Variants in PABPC1L observed in about 807,000 individuals in gnomAD.
The protein encoded by PABPC1L is poly(A) binding protein cytoplasmic 1 like.
Under a neutral mutation model 66.6 loss-of-function variants are expected in PABPC1L, and 31 were observed. The ratio of observed to expected loss-of-function variants is 0.47; its 90% CI spans 0.35 to 0.63. PABPC1L has a LOEUF of 0.63. Among genes scored for constraint, PABPC1L ranks in the 20% least tolerant of loss-of-function variants. The pLI, the probability that PABPC1L is intolerant of heterozygous loss-of-function variation, is 0.00. For missense variants in PABPC1L, 722 were observed against 848.8 expected, an observed-to-expected ratio of 0.85 and a Z score of 1.86; for synonymous variants, 348 against 335.1, an observed-to-expected ratio of 1.04 and a Z score of -0.42.
At chr20:44,921,453 T>C (rs2066772558) in intron 5 of PABPC1L, 141 bp from the exon 6 acceptor site, 2 of 1,232,968 alleles carry the variant, frequency 1.6e-6, no homozygotes, top group East Asian at 5.0e-5. Context: ...TATACTTAAA[T>C]GGCCTTTGTC....
chr20:44,919,290 C>CT lies in PABPC1L; in HGVS notation c.738+13_738+14insT. The CT allele has an allele frequency of 3.7e-6, 6 of 1,613,494 alleles. No homozygotes were observed. Among genetic ancestry groups the CT allele is most frequent in the Non-Finnish European group, 5.1e-6 (6 of 1,179,574 alleles). On this transcript the variant is annotated intron_variant, in intron 5 of 14. Coordinates refer to ENST00000217073, the MANE Select transcript of PABPC1L (RefSeq NM_001372179.1). Reference sequence around the variant, plus strand: ...GGAAGCCCAGAAGGTAGGAGCCTCCCCATGGCTCTGTTCTGCAGCAGGGGG... The same window carrying CT: ...GGAAGCCCAGAAGGTAGGAGCCTCCCTCATGGCTCTGTTCTGCAGCAGGGGG...
At chr20:44,910,899 G>A (rs1378803377) in intron 1 of PABPC1L, among the ~76,000 whole-genome samples, 1 of 152,220 alleles carries the variant, frequency 6.6e-6, no homozygotes, top group East Asian at 1.9e-4. Flanking sequence ...AGGCCGCAAG[G>A]CCGCTTTCTC....
intron 2 of PABPC1L, among the ~76,000 whole-genome samples, chr20:44,916,461 A>G (rs2066738356): frequency 6.6e-6 from 1 of 152,106 alleles, no homozygotes; most frequent in South Asian, 2.1e-4. Flanking sequence ...TTTAATAGAG[A>G]CAGGGTTGCA....
In PABPC1L at chr20:44,932,477, T is replaced by TGGGCC. The variant is rs1568651123; in HGVS notation, c.1330+46_1330+50dup. ...CCACTCTCAGACTGGCCTATTGGTG[T>TGGGCC]GGGCCCCGTGAGGCAGTCATAACAC... is the stretch of plus-strand genomic sequence containing the variant. On this transcript the variant is annotated intron_variant, in intron 9 of 14. Coordinates refer to ENST00000217073, the MANE Select transcript of PABPC1L (RefSeq NM_001372179.1). The TGGGCC allele has an allele frequency of 2.0e-6, 3 of 1,537,576 alleles. No individual in the cohort carries two copies. In the African/African-American group the frequency reaches 4.1e-5, roughly 21 times the overall value.
intron 12 of PABPC1L, chr20:44,937,805 T>C (rs2145585862): frequency 2.1e-6 from 1 of 470,998 alleles, no homozygotes; most frequent in Non-Finnish European, 3.8e-6. Flanking sequence ...CATGGGACGA[T>C]CCTTTCCGCC....
intron 11 of PABPC1L, 146 bp from the exon 12 acceptor site, chr20:44,936,491 C>T (rs1355023227): frequency 1.6e-6 from 1 of 631,674 alleles, no homozygotes; most frequent in Non-Finnish European, 2.7e-6. Context: ...TTGTTGGGGA[C>T]TCTCCACCCC....
At chr20:44,937,587 G>A (rs566940925) in intron 12 of PABPC1L, among the ~76,000 whole-genome samples, 30 of 152,180 alleles carry the variant, frequency 2.0e-4, no homozygotes, top group African/African-American at 6.7e-4. Context: ...GCTAAGTTTT[G>A]TATTTTTATT....
intron 7 of PABPC1L, among the ~76,000 whole-genome samples, chr20:44,926,874 TTTA>T (rs985249508): frequency 6.6e-5 from 10 of 150,814 alleles, no homozygotes; most frequent in East Asian, 5.9e-4. Flanking sequence ...TATATTTTGG[TTTA>T]TTATTATTTT....
At chr20:44,933,303 A>T (rs954203826) in intron 10 of PABPC1L, 118 bp downstream of exon 10, 16 of 838,938 alleles carry the variant, frequency 1.9e-5, no homozygotes, top group African/African-American at 1.0e-4. Flanking sequence ...CTGACTTTGG[A>T]GACTGTAGCG....
intron 13 of PABPC1L, 147 bp from the exon 14 acceptor site, chr20:44,938,527 A>C: frequency 1.1e-6 from 1 of 899,246 alleles, no homozygotes; most frequent in Non-Finnish European, 1.7e-6. Context: ...GGATCTTGCA[A>C]GCAGTGGTGG....
intron 3 of PABPC1L, 48 bp downstream of exon 3, chr20:44,916,919 C>T (rs1163710811): frequency 4.5e-6 from 7 of 1,546,396 alleles, no homozygotes; most frequent in Non-Finnish European, 6.2e-6. Flanking sequence ...GGGACAGAAG[C>T]ATGGCACCAC....
rs759542733 is a variant in PABPC1L, at chr20:44,938,207, G to A, written c.1791+16G>A. On this transcript the variant is annotated intron_variant, in intron 13 of 14. Coordinates refer to ENST00000217073, the MANE Select transcript of PABPC1L (RefSeq NM_001372179.1). Reference sequence around the variant, plus strand: ...CCATGCCAAGGTAAGCAGGAGCCTGGGCAGCAGGGAGCCCGAGGGGGCAGG... The same window carrying A: ...CCATGCCAAGGTAAGCAGGAGCCTGAGCAGCAGGGAGCCCGAGGGGGCAGG... The A allele has an allele frequency of 1.2e-6, 2 of 1,611,598 alleles. No individual in the cohort carries two copies. Among genetic ancestry groups the A allele is most frequent in the South Asian group, 2.2e-5 (2 of 90,986 alleles).
At chr20:44,914,687 G>A (rs1305019623) in intron 2 of PABPC1L, among the ~76,000 whole-genome samples, 1 of 152,270 alleles carries the variant, frequency 6.6e-6, no homozygotes, top group African/African-American at 2.4e-5. Flanking sequence ...GCTGTTTCCT[G>A]TCTTTGAGGA....
At chr20:44,922,790 C>T (rs2066783367) in intron 6 of PABPC1L, among the ~76,000 whole-genome samples, 1 of 152,184 alleles carries the variant, frequency 6.6e-6, no homozygotes, top group Non-Finnish European at 1.5e-5. Context: ...AGTTTTGCCT[C>T]CTGGGGGACA....
chr20:44,925,021 C>T (rs951361900), intron 7 of PABPC1L, among the ~76,000 whole-genome samples: 5 of 145,856 alleles, frequency 3.4e-5, no homozygotes, highest in African/African-American at 8.4e-5. Flanking sequence ...AGACCATCCT[C>T]GCTAACACGG....
At chr20:44,911,693 G>T (rs1027242553) in intron 1 of PABPC1L, among the ~76,000 whole-genome samples, 1 of 152,092 alleles carries the variant, frequency 6.6e-6, no homozygotes, top group African/African-American at 2.4e-5. Flanking sequence ...TGGATTCCTG[G>T]GCACTTTTCT....
At chr20:44,910,740 G>GCAC (rs2066698706) in intron 1 of PABPC1L, among the ~76,000 whole-genome samples, 1 of 152,178 alleles carries the variant, frequency 6.6e-6, no homozygotes. Flanking sequence ...GAGATTCAAA[G>GCAC]CACCTGGTGA....
Position 44,930,495 on chromosome 20 carries a change from C to T in PABPC1L, c.1008C>T (p.Gly336=). The change falls in exon 8 of 15, where the codon GGC becomes GGT. Residue 336 remains glycine, a synonymous_variant. Coordinates refer to ENST00000217073, the MANE Select transcript of PABPC1L (RefSeq NM_001372179.1). ...MTEGGHSKGF[G]FVCFSSPEEA... is the part of the protein sequence containing the mutation. ...AGGGTGGCCACAGCAAGGGGTTTGG[C>T]TTTGTGTGTTTTTCCTCCCCAGAAG... 1 of 1,614,188 alleles carries T rather than the reference C, an allele frequency of 6.2e-7. No individual in the cohort carries two copies. The highest frequency in any genetic ancestry group is 8.5e-7 in the Non-Finnish European group (1 of 1,180,016).
Position 44,910,714 on chromosome 20 carries a change from G to A in PABPC1L, c.193+378G>A, listed in dbSNP as rs566381375. ...ATGGGGGTCCTAGCTGCCTTATAGAGTGCTTGTGAGGATGAGAGATTCAAA... is the reference window on the plus strand; with the variant it reads ...ATGGGGGTCCTAGCTGCCTTATAGAATGCTTGTGAGGATGAGAGATTCAAA... On this transcript the variant is annotated intron_variant, in intron 1 of 14. Coordinates refer to ENST00000217073, the MANE Select transcript of PABPC1L (RefSeq NM_001372179.1). Among the ~76,000 whole-genome samples, 516 of 152,288 alleles carry A rather than the reference G, an allele frequency of 3.4e-3. 5 individuals are homozygous for A. The highest frequency in any genetic ancestry group is 0.012 in the African/African-American group (496 of 41,558).
Sources: gnomAD v4.1 joint callset for allele counts (sites outside exome capture counted in the v4.1 genomes callset) on GRCh38, gnomAD v4.1.1 for gene constraint, MANE v1.5 for transcripts, NCBI Gene and HGNC (gene_info 2026-07-23, HGNC 2026-07-21) for gene names.